INPP5D: variants seen among roughly 807,000 people sequenced by gnomAD.
The protein encoded by INPP5D is inositol polyphosphate-5-phosphatase D.
Under a neutral mutation model 122.9 loss-of-function variants are expected in INPP5D, and 33 were observed. The ratio of observed to expected loss-of-function variants is 0.27; its 90% CI spans 0.20 to 0.36. The LOEUF (loss-of-function observed/expected upper bound fraction) is 0.36. Ranked by LOEUF, INPP5D falls within the 10% of genes least tolerant of loss-of-function variation. The probability of loss-of-function intolerance (pLI) is 1.00; values close to 1 mark genes in which losing one functional copy is unlikely to be tolerated. For synonymous variants in INPP5D, 584 were observed against 576.2 expected (o/e 1.01, Z -0.19); for missense variants, 1,053 against 1,412.7 (o/e 0.75, Z 4.08).
intron 1 of INPP5D, among the ~76,000 whole-genome samples, chr2:233,069,724 C>T (rs1008780016): frequency 3.3e-5 from 5 of 152,296 alleles, no homozygotes; most frequent in Middle Eastern, 3.4e-3. Context: ...ATGTGCGACA[C>T]TTCATGAAAT....
chr2:233,125,396 G>A (rs779989234), intron 3 of INPP5D, among the ~76,000 whole-genome samples: 15 of 152,328 alleles, frequency 9.8e-5, no homozygotes, highest in Non-Finnish European at 1.8e-4. Context: ...TGAGACAGGT[G>A]TCTCAGCCCC....
intron 2 of INPP5D, among the ~76,000 whole-genome samples, chr2:233,095,837 C>T (rs1024900721): frequency 2.6e-5 from 4 of 152,110 alleles, no homozygotes; most frequent in African/African-American, 9.7e-5. Context: ...CTGCAAATCC[C>T]CCACCCTAGT....
At chr2:233,138,978 C>T (rs894631594) in intron 5 of INPP5D, among the ~76,000 whole-genome samples, 31 of 151,220 alleles carry the variant, frequency 2.0e-4, no homozygotes, top group East Asian at 5.9e-4. Flanking sequence ...ATGGTCTCGA[C>T]CTCCTGACCT....
chr2:233,181,713 G>A (rs150475486), intron 18 of INPP5D, among the ~76,000 whole-genome samples: 5 of 152,282 alleles, frequency 3.3e-5, no homozygotes, highest in South Asian at 2.1e-4. Context: ...ATGAGGCATC[G>A]TGGGATGGAA....
At chr2:233,154,981 C>T (rs1250770807) in intron 9 of INPP5D, among the ~76,000 whole-genome samples, 2 of 152,216 alleles carry the variant, frequency 1.3e-5, no homozygotes, top group African/African-American at 4.8e-5. Context: ...TGAGACCTGG[C>T]CTGCCACACC....
chr2:233,124,242 C>T lies in INPP5D; in HGVS notation c.350-1503C>T, dbSNP rs532725471. Among the ~76,000 whole-genome samples the T allele has an allele frequency of 4.6e-5, 7 of 152,208 alleles. No homozygotes were observed. The South Asian group carries it at 1.0e-3, about 23-fold the overall frequency. The stretch of plus-strand genomic sequence containing the variant: ...ACTACCAGGTCCCCCAGGCTCTCCC[C>T]GAAGAGAGGAGAGATTTGTCCACAG... On this transcript the variant is annotated intron_variant, in intron 3 of 26. Coordinates refer to ENST00000445964, the MANE Select transcript of INPP5D (RefSeq NM_001017915.3).
intron 4 of INPP5D, among the ~76,000 whole-genome samples, chr2:233,130,276 T>C (rs1488769682): frequency 6.6e-6 from 1 of 152,122 alleles, no homozygotes; most frequent in African/African-American, 2.4e-5. Context: ...AAGGAGCTCA[T>C]TGAGAGGCAC....
chr2:233,096,583 C>T (rs1321746883), intron 2 of INPP5D, among the ~76,000 whole-genome samples: 2 of 150,720 alleles, frequency 1.3e-5, no homozygotes, highest in Non-Finnish European at 3.0e-5. Context: ...ACCTGGGAGG[C>T]GGAGGTTGCA....
At chr2:233,121,726 G>C (rs547394968) in intron 2 of INPP5D, among the ~76,000 whole-genome samples, 90 of 150,914 alleles carry the variant, frequency 6.0e-4, no homozygotes, top group African/African-American at 2.1e-3. Flanking sequence ...GGGTTTCATC[G>C]TGTTGGCCAG....
chr2:233,154,210 G>A (rs1352745934), intron 9 of INPP5D, among the ~76,000 whole-genome samples: 3 of 152,130 alleles, frequency 2.0e-5, no homozygotes, highest in South Asian at 2.1e-4. Context: ...GTGCAATGGC[G>A]CGATCTCAGC....
chr2:233,093,784 G>C (rs546560667), intron 2 of INPP5D, among the ~76,000 whole-genome samples: 3 of 152,028 alleles, frequency 2.0e-5, no homozygotes, highest in Admixed American at 2.0e-4. Flanking sequence ...GGGGTGAAAA[G>C]ATTTGCAAAA....
In INPP5D at chr2:233,171,068, G is replaced by A. The variant is rs757969403; in HGVS notation, c.1905G>A (p.Glu635=). ...ACGAAAGTCTCTCTGTTTCAGAGGA[G>A]GAAGAAATCACGTTTGCCCCAACCT... ...REQKVFLHFE[E]EEITFAPTYR... Residue 635 remains glutamate, a synonymous_variant, in exon 17 of 27, where the codon GAG becomes GAA. Transcript: ENST00000445964. 3 of 1,613,786 alleles carry A rather than the reference G, an allele frequency of 1.9e-6. No individual in the cohort carries two copies. The Admixed American group carries it at 5.0e-5, about 27-fold the overall frequency.
At chr2:233,133,782 G>T (rs951297092) in intron 5 of INPP5D, among the ~76,000 whole-genome samples, 2 of 152,080 alleles carry the variant, frequency 1.3e-5, no homozygotes, top group Non-Finnish European at 2.9e-5. Context: ...ATCCTAGGAG[G>T]CACTGCCCAA....
chr2:233,064,933 AT>A (rs1262210205), intron 1 of INPP5D, among the ~76,000 whole-genome samples: 2 of 152,144 alleles, frequency 1.3e-5, no homozygotes, highest in African/African-American at 4.8e-5. Context: ...TTCATATCTG[AT>A]ATTGACAGTC....
intron 3 of INPP5D, 112 bp downstream of exon 3, chr2:233,122,369 T>TG: frequency 8.3e-7 from 1 of 1,202,146 alleles, no homozygotes. Flanking sequence ...ATTGTTGGCG[T>TG]GGGGGTTAAG....
At chr2:233,072,100 C>T (rs1217322046) in intron 1 of INPP5D, among the ~76,000 whole-genome samples, 4 of 152,196 alleles carry the variant, frequency 2.6e-5, no homozygotes, top group East Asian at 1.9e-4. Flanking sequence ...CTGTGAGAAT[C>T]GCTATGGACC....
chr2:233,164,440 A>G lies in INPP5D; in HGVS notation c.1555+16A>G, dbSNP rs1277230038. The G allele has an allele frequency of 6.5e-7, 1 of 1,537,574 alleles. No homozygotes were observed. The highest frequency in any genetic ancestry group is 8.8e-7 in the Non-Finnish European group (1 of 1,137,538). On this transcript the variant is annotated intron_variant, in intron 13 of 26. Coordinates refer to ENST00000445964, the MANE Select transcript of INPP5D (RefSeq NM_001017915.3). This position sits in a 1 kb window ranked among gnomAD's most constrained non-coding sequence, Gnocchi z 4.3. ...AACACACTGGGTGAGCAGGGCGGGG[A>G]CCCTGTGTTCCTCCCACACCCTCTG... is the stretch of plus-strand genomic sequence containing the variant.
Position 233,193,921 on chromosome 2 carries a change from G to T in INPP5D, c.2556G>T (p.Lys852Asn). Residue 852 changes from lysine (K) to asparagine (N), a missense_variant, in exon 23 of 27, where the codon AAG becomes AAT. Coordinates refer to ENST00000445964, the MANE Select transcript of INPP5D (RefSeq NM_001017915.3). Reference protein sequence around the residue: ...ELTGHFQGEIKLQTSQGKTRE... With the variant: ...ELTGHFQGEINLQTSQGKTRE... ...CAGGCCACTTCCAGGGGGAGATCAA[G>T]CTGCAGACCTCTCAGGGCAAGACGA... 1 of 1,613,262 alleles carries T rather than the reference G, an allele frequency of 6.2e-7. No homozygotes were observed. Among genetic ancestry groups the T allele is most frequent in the Non-Finnish European group, 8.5e-7 (1 of 1,179,334 alleles).
chr2:233,143,847 T>G (rs1336306657), intron 6 of INPP5D, among the ~76,000 whole-genome samples: 2 of 150,760 alleles, frequency 1.3e-5, no homozygotes, highest in East Asian at 3.9e-4. Context: ...ATGGTAGAGG[T>G]GGTCATGATC....
Sources: allele counts gnomAD v4.1 joint callset (sites outside exome capture counted in the v4.1 genomes callset), GRCh38; gene constraint gnomAD v4.1.1; non-coding constraint Gnocchi (gnomAD v3.1); transcripts MANE v1.5; gene names NCBI Gene and HGNC (gene_info 2026-07-23, HGNC 2026-07-21).